Variants in LAMA2 observed in about 807,000 individuals in gnomAD.
The protein encoded by LAMA2 is laminin subunit alpha-2.
LAMA2 carries 269 observed loss-of-function variants against 364.8 expected under a neutral mutation model. The observed-to-expected ratio is 0.74, with a 90% CI of 0.67 to 0.82. The LOEUF (loss-of-function observed/expected upper bound fraction) is 0.82, where lower values mean the gene tolerates loss of function less well. Among genes scored for constraint, LAMA2 ranks in the 40% least tolerant of loss-of-function variants. The pLI is 0.00. For synonymous variants in LAMA2, 1,379 were observed against 1,370.6 expected (o/e 1.01, Z -0.14); for missense variants, 3,807 against 3,873.2 (o/e 0.98, Z 0.45).
In LAMA2 at chr6:129,463,480, A is replaced by G. The variant is rs371533895; in HGVS notation, c.6993-810A>G. Among the ~76,000 whole-genome samples, 169 of 152,062 alleles carry G rather than the reference A, an allele frequency of 1.1e-3. 8 individuals carry two copies. In the South Asian group the frequency reaches 0.033, roughly 30 times the overall value. On this transcript the variant is annotated intron_variant, in intron 49 of 64. Transcript: ENST00000421865. ...CTGTGTTTAGCCACTCCCAGTCCACAACTCTTTCCCGCAGGTATCTCCACA... is the reference window on the plus strand; with the variant it reads ...CTGTGTTTAGCCACTCCCAGTCCACGACTCTTTCCCGCAGGTATCTCCACA...
intron 1 of LAMA2, among the ~76,000 whole-genome samples, chr6:128,953,917 A>T (rs4515402): frequency 0.22 from 33,096 of 151,994 alleles, 5,371 homozygotes; most frequent in African/African-American, 0.46. Flanking sequence ...TTACTGATAG[A>T]GTCCTTTAAA....
chr6:129,331,931 C>A (rs1368804954), intron 29 of LAMA2, among the ~76,000 whole-genome samples: 1 of 152,174 alleles, frequency 6.6e-6, no homozygotes, highest in African/African-American at 2.4e-5. Flanking sequence ...ACCCTTTGCT[C>A]AATTTGCTTT....
chr6:129,459,662 T>TA (rs754704844), intron 48 of LAMA2, among the ~76,000 whole-genome samples: 1 of 152,082 alleles, frequency 6.6e-6, no homozygotes, highest in Admixed American at 6.6e-5. Context: ...CAAGTGCTTT[T>TA]AAAAAATCTC....
chr6:129,035,103 A>G (rs561899038), intron 1 of LAMA2, among the ~76,000 whole-genome samples: 35 of 152,178 alleles, frequency 2.3e-4, no homozygotes, highest in African/African-American at 8.4e-4. Context: ...TCCCACCAGC[A>G]GCGTATAAGC....
At chr6:129,026,898 C>T (rs952738763) in intron 1 of LAMA2, among the ~76,000 whole-genome samples, 1 of 152,066 alleles carries the variant, frequency 6.6e-6, no homozygotes, top group Non-Finnish European at 1.5e-5. Flanking sequence ...GGTATGTAGT[C>T]ATTGGTGTTT....
At chr6:129,405,186 T>C (rs946328897) in intron 40 of LAMA2, among the ~76,000 whole-genome samples, 7 of 152,284 alleles carry the variant, frequency 4.6e-5, no homozygotes, top group African/African-American at 1.7e-4. Context: ...TATTGTATGA[T>C]TATTTTCAGC....
chr6:129,509,128 C>G (rs887972593), intron 62 of LAMA2, among the ~76,000 whole-genome samples: 4 of 152,092 alleles, frequency 2.6e-5, no homozygotes, highest in African/African-American at 9.7e-5. Flanking sequence ...TTTTGATATA[C>G]CTGTTTTTCA....
chr6:128,893,577 T>G (rs1422309333), intron 1 of LAMA2, among the ~76,000 whole-genome samples: 1 of 151,906 alleles, frequency 6.6e-6, no homozygotes, highest in Non-Finnish European at 1.5e-5. Flanking sequence ...TATCTGAAAG[T>G]GTACATCAGC....
At position 129,071,199 on chromosome 6, in the gene LAMA2, A is replaced by G. The variant is rs896882241; in HGVS notation, c.396+11303A>G. Among the ~76,000 whole-genome samples, 9 of 152,342 alleles carry G rather than the reference A, an allele frequency of 5.9e-5. No homozygotes were observed. In the East Asian group the frequency reaches 1.5e-3, roughly 26 times the overall value. ...GATCCACTTACCTAATTTTTCAAATATATCGACATGAGTTGTTAGTGATAT... is the reference window on the plus strand; with the variant it reads ...GATCCACTTACCTAATTTTTCAAATGTATCGACATGAGTTGTTAGTGATAT... On this transcript the variant is annotated intron_variant, in intron 3 of 64. Coordinates refer to ENST00000421865, the MANE Select transcript of LAMA2 (RefSeq NM_000426.4).
chr6:128,961,089 A>G (rs1781461292), intron 1 of LAMA2, among the ~76,000 whole-genome samples: 3 of 151,652 alleles, frequency 2.0e-5, no homozygotes, highest in African/African-American at 7.3e-5. Flanking sequence ...GGCTATTTTT[A>G]TGGACAGGTA....
At chr6:129,045,552 T>C (rs1046023712) in intron 1 of LAMA2, among the ~76,000 whole-genome samples, 4 of 152,196 alleles carry the variant, frequency 2.6e-5, no homozygotes, top group Non-Finnish European at 4.4e-5. Flanking sequence ...AAAGAATTAA[T>C]AAAATTTATA....
intron 9 of LAMA2, among the ~76,000 whole-genome samples, chr6:129,169,695 TTCCC>T (rs2115000644): frequency 1.4e-5 from 2 of 138,638 alleles, no homozygotes; most frequent in Admixed American, 1.4e-4. Context: ...TTAGGGAGGA[TTCCC>T]TCTTTTTCTA....
intron 2 of LAMA2, among the ~76,000 whole-genome samples, chr6:129,051,018 C>G (rs1200770255): frequency 1.3e-5 from 2 of 151,512 alleles, no homozygotes; most frequent in African/African-American, 4.9e-5. Flanking sequence ...GAAATAGAGG[C>G]AAAAGAAAAG....
chr6:129,419,906 A>G (rs1157113143), intron 40 of LAMA2, among the ~76,000 whole-genome samples: 3 of 152,120 alleles, frequency 2.0e-5, no homozygotes, highest in Non-Finnish European at 4.4e-5. Context: ...TTAATAACCT[A>G]TAGTACTTAA....
At chr6:129,149,786 C>CT (rs2114969134) in intron 7 of LAMA2, among the ~76,000 whole-genome samples, 1 of 152,098 alleles carries the variant, frequency 6.6e-6, no homozygotes, top group East Asian at 1.9e-4. Context: ...TTGTAAAGAC[C>CT]TTTTTCTTAT....
chr6:129,215,698 A>C (rs1783384105), intron 12 of LAMA2, among the ~76,000 whole-genome samples: 1 of 152,082 alleles, frequency 6.6e-6, no homozygotes, highest in Admixed American at 6.6e-5. Context: ...ATCCTTTGTC[A>C]CTTTATCTAT....
intron 20 of LAMA2, 43 bp downstream of exon 20, chr6:129,291,763 G>A (rs776732677): frequency 4.1e-5 from 52 of 1,277,090 alleles, no homozygotes; most frequent in Non-Finnish European, 5.8e-5. Context: ...TCTCCTTACA[G>A]ATTTTCACTG....
At chr6:129,486,679 C>CATCGGTATCT in intron 56 of LAMA2, 57 bp downstream of exon 56, 2 of 1,497,204 alleles carry the variant, frequency 1.3e-6, no homozygotes, top group Non-Finnish European at 1.9e-6. Flanking sequence ...CCTTTGCTAG[C>CATCGGTATCT]ATCGGTATCT....
intron 27 of LAMA2, among the ~76,000 whole-genome samples, chr6:129,316,978 T>G (rs1774653252): frequency 6.6e-6 from 1 of 152,216 alleles, no homozygotes; most frequent in South Asian, 2.1e-4. Flanking sequence ...AAAAGATGAT[T>G]GTTTAATTTG....
Sources: allele counts gnomAD v4.1 joint callset (sites outside exome capture counted in the v4.1 genomes callset), GRCh38; gene constraint gnomAD v4.1.1; transcripts MANE v1.5; gene names NCBI Gene and HGNC (gene_info 2026-07-23, HGNC 2026-07-21).